The following ARAP2 variants were observed in gnomAD, a reference collection of about 807,000 sequenced individuals.
ARAP2 encodes the protein arf-GAP with Rho-GAP domain, ANK repeat and PH domain-containing protein 2.
In ARAP2, 148 loss-of-function variants were observed where a neutral mutation model predicts 194.5. The observed-to-expected ratio is 0.76, with a 90% CI of 0.67 to 0.87. ARAP2 has a LOEUF of 0.87. ARAP2 is among the 40% of genes least tolerant of loss of function. ARAP2 has a pLI of 0.00. For missense variants in ARAP2, 2,128 were observed against 1,989.7 expected, an observed-to-expected ratio of 1.07 and a Z score of -1.32; for synonymous variants, 695 against 683.5, an observed-to-expected ratio of 1.02 and a Z score of -0.26.
intron 6 of ARAP2, among the ~76,000 whole-genome samples, chr4:36,017,788 C>G (rs893576177): frequency 6.6e-6 from 1 of 151,816 alleles, no homozygotes. Context: ...TGTGTGTATA[C>G]TTTGGCTATT....
intron 6 of ARAP2, among the ~76,000 whole-genome samples, chr4:36,208,354 C>T (rs905316467): frequency 2.0e-5 from 3 of 152,158 alleles, no homozygotes; most frequent in African/African-American, 7.2e-5. Context: ...CATCGGCTTA[C>T]GTATTGGCTA....
chr4:36,159,436 C>T lies in ARAP2; in HGVS notation c.2512G>A (p.Val838Ile), dbSNP rs137892911. Residue 838 changes from valine to isoleucine, a missense_variant, in exon 14 of 33, where the codon GTC becomes ATC. Physicochemically the swap from Val to Ile is conservative, Grantham distance 29. Transcript: ENST00000303965. ...TMALLFSGAD[V>I]MCATGDPVHS... ...ACGGGGTCTCCGGTGGCACACATGA[C>T]ATCTGCTCCACTGAACAGCAAAGCC... The T allele has an allele frequency of 6.2e-7, 1 of 1,609,590 alleles. No homozygotes were observed. The highest frequency in any genetic ancestry group is 8.5e-7 in the Non-Finnish European group (1 of 1,176,996).
intron 28 of ARAP2, among the ~76,000 whole-genome samples, chr4:36,086,487 T>A (rs185966865): frequency 1.0e-3 from 157 of 152,204 alleles, no homozygotes; most frequent in Middle Eastern, 6.8e-3. Flanking sequence ...GTTTTGAAAC[T>A]GAATATTCAT....
At chr4:36,175,636 T>C (rs1737725098) in intron 9 of ARAP2, among the ~76,000 whole-genome samples, 1 of 152,148 alleles carries the variant, frequency 6.6e-6, no homozygotes, top group Admixed American at 6.6e-5. Flanking sequence ...GTATACATTT[T>C]AAAGGTGTGT....
chr4:36,053,798 G>A (rs539094415), intron 2 of ARAP2, among the ~76,000 whole-genome samples: 3 of 152,234 alleles, frequency 2.0e-5, no homozygotes, highest in South Asian at 2.1e-4. Context: ...CCAGAGGGCC[G>A]GCAAGTTTAT....
rs1751016065 is a variant in ARAP2, at chr4:36,229,491, G to A, written c.-5C>T. Reference sequence around the variant, plus strand: ...TACTTCACTGACTGAGGACATAATGGTGGCTTCATTACTAAGCTGAGTTAC... The same window carrying A: ...TACTTCACTGACTGAGGACATAATGATGGCTTCATTACTAAGCTGAGTTAC... On this transcript the variant is annotated 5_prime_UTR_variant, in exon 2 of 33. Transcript: ENST00000303965. The A allele has an allele frequency of 1.3e-6, 2 of 1,594,780 alleles. No individual in the cohort carries two copies. The highest frequency in any genetic ancestry group is 1.7e-6 in the Non-Finnish European group (2 of 1,169,006).
chr4:36,232,055 C>T (rs571621275), intron 1 of ARAP2, among the ~76,000 whole-genome samples: 13 of 152,314 alleles, frequency 8.5e-5, no homozygotes, highest in African/African-American at 3.1e-4. Context: ...AGGTGGCTAT[C>T]TGTAAGCTAG....
At chr4:36,203,084 C>T (rs187837964) in intron 6 of ARAP2, among the ~76,000 whole-genome samples, 6 of 152,274 alleles carry the variant, frequency 3.9e-5, no homozygotes, top group Admixed American at 1.3e-4. Context: ...ATCACAGAAT[C>T]CTTCTCCCCT....
chr4:36,229,860 C>G (rs1751091037), intron 1 of ARAP2, among the ~76,000 whole-genome samples: 1 of 151,936 alleles, frequency 6.6e-6, no homozygotes, highest in African/African-American at 2.4e-5. Flanking sequence ...CTATGACTTT[C>G]AAAAAGGTGA....
chr4:36,051,547 C>G (rs905108230), intron 3 of ARAP2, among the ~76,000 whole-genome samples: 1 of 151,876 alleles, frequency 6.6e-6, no homozygotes, highest in African/African-American at 2.4e-5. Context: ...ACAAACATAA[C>G]AAGGCTATGA....
chr4:36,064,190 T>C (rs1210416551), downstream of ARAP2, among the ~76,000 whole-genome samples: 1 of 124,788 alleles, frequency 8.0e-6, no homozygotes, highest in Non-Finnish European at 1.6e-5. Context: ...TGCTTTGCTT[T>C]TTTGTTTTTT....
chr4:36,021,528 C>A (rs1560277584), intron 5 of ARAP2, among the ~76,000 whole-genome samples: 1 of 152,140 alleles, frequency 6.6e-6, no homozygotes, highest in African/African-American at 2.4e-5. Context: ...CTCCTTCACT[C>A]CTGATTTTAC....
In ARAP2 at chr4:36,083,423, G is replaced by A. The variant is rs1730077060; in HGVS notation, c.4453C>T (p.Leu1485Phe). 6.2e-7 allele frequency: 1 copy of A among 1,606,368 alleles called. No homozygotes were observed. The highest frequency in any genetic ancestry group is 8.5e-7 in the Non-Finnish European group (1 of 1,176,892). ...KSSKHDKMFS[L>F]SSMKFYRGVK... Reference sequence around the variant, plus strand: ...CCACGATAAAACTTCATGGAACTGAGAGAAAACATCTTGTCATGTTTACTA... The same window carrying A: ...CCACGATAAAACTTCATGGAACTGAAAGAAAACATCTTGTCATGTTTACTA... The change falls in exon 29 of 33, where the codon CTC becomes TTC. Residue 1485 changes from leucine to phenylalanine, a missense_variant. Transcript: ENST00000303965.
At chr4:36,187,598 AC>A in intron 7 of ARAP2, 27 bp from the exon 8 acceptor site, 1 of 1,515,066 alleles carries the variant, frequency 6.6e-7, no homozygotes, top group East Asian at 2.4e-5. Flanking sequence ...AAAAGAGAAG[AC>A]ATATGAAAAC....
chr4:36,050,444 G>GTGTTTTTC (rs1722478461), intron 3 of ARAP2, among the ~76,000 whole-genome samples: 1 of 152,082 alleles, frequency 6.6e-6, no homozygotes, highest in African/African-American at 2.4e-5. Flanking sequence ...CTAGAAAAAC[G>GTGTTTTTC]TATTACACTG....
intron 2 of ARAP2, among the ~76,000 whole-genome samples, chr4:36,220,519 T>A (rs1748914516): frequency 6.6e-6 from 1 of 152,134 alleles, no homozygotes; most frequent in South Asian, 2.1e-4. Context: ...ATATATTGAC[T>A]ATACTTTTTT....
intron 3 of ARAP2, among the ~76,000 whole-genome samples, chr4:36,050,889 T>C (rs974021158): frequency 1.3e-5 from 2 of 152,248 alleles, no homozygotes; most frequent in South Asian, 2.1e-4. Flanking sequence ...TTGGTTTTTA[T>C]GTCCATCACT....
intron 2 of ARAP2, among the ~76,000 whole-genome samples, chr4:36,223,572 C>G (rs954173587): frequency 2.6e-5 from 4 of 151,982 alleles, no homozygotes; most frequent in African/African-American, 9.7e-5. Flanking sequence ...GTGTCCCTAC[C>G]CCACAAAATT....
intron 19 of ARAP2, among the ~76,000 whole-genome samples, chr4:36,136,707 G>C (rs1023079406): frequency 6.6e-6 from 1 of 151,334 alleles, no homozygotes; most frequent in Admixed American, 6.6e-5. Context: ...ACAGAAATAC[G>C]GTTATCAGCC....
Sources: gnomAD v4.1 joint callset for allele counts (sites outside exome capture counted in the v4.1 genomes callset) on GRCh38, gnomAD v4.1.1 for gene constraint, MANE v1.5 for transcripts, NCBI Gene and HGNC (gene_info 2026-07-23, HGNC 2026-07-21) for gene names.